The following SHISA9 variants were observed in gnomAD, a reference collection of about 807,000 sequenced individuals.
SHISA9 encodes the protein protein shisa-9.
A neutral mutation model predicts 38.0 loss-of-function variants in SHISA9; 13 were observed. The observed-to-expected ratio is 0.34, with a 90% CI of 0.22 to 0.54. SHISA9 has a LOEUF of 0.54. SHISA9 is among the 20% of genes least tolerant of loss of function. The pLI, the probability that SHISA9 is intolerant of heterozygous loss-of-function variation, is 0.91. For missense variants in SHISA9, 538 were observed against 575.8 expected (o/e 0.93, Z 0.67); for synonymous variants, 275 against 242.0 (o/e 1.14, Z -1.27).
At chr16:13,426,649 A>C in the SHISA9 span, among the ~76,000 whole-genome samples, 12 of 152,232 alleles carry the variant, frequency 7.9e-5, no homozygotes, top group African/African-American at 2.9e-4. Context: ...TTCAGACAGA[A>C]CAATACATTA....
the SHISA9 span, among the ~76,000 whole-genome samples, chr16:13,352,699 A>AGCGGGGGGGGG: frequency 3.0e-4 from 2 of 6,710 alleles, no homozygotes; most frequent in African/African-American, 6.9e-4. Context: ...AAGGGAGATA[A>AGCGGGGGGGGG]GGGGGGGGGG....
At chr16:12,908,917 T>C in intron 1 of SHISA9, 1 of 1,029,382 alleles carries the variant, frequency 9.7e-7, no homozygotes, top group Non-Finnish European at 1.2e-6. Flanking sequence ...AAATGGCAGA[T>C]AAGGGTCCTG....
chr16:13,026,095 G>A (rs781366051), intron 2 of SHISA9, among the ~76,000 whole-genome samples: 16 of 152,264 alleles, frequency 1.1e-4, no homozygotes, highest in Middle Eastern at 3.4e-3. Flanking sequence ...GTGAGCCACC[G>A]CGCCCACCTT....
intron 2 of SHISA9, among the ~76,000 whole-genome samples, chr16:12,976,424 G>A (rs2072162589): frequency 6.6e-6 from 1 of 152,024 alleles, no homozygotes; most frequent in Non-Finnish European, 1.5e-5. Context: ...GTGGCTCTTT[G>A]GATTTTCTTC....
At position 12,911,109 on chromosome 16, in the gene SHISA9, C is replaced by T. The variant is rs112567661; in HGVS notation, c.564-5579C>T. 1,591 of 270,418 alleles carry T rather than the reference C, an allele frequency of 5.9e-3. 22 individuals are homozygous for T. The highest frequency in any genetic ancestry group is 0.034 in the African/African-American group (1,500 of 43,630). 16.8% of individuals were successfully genotyped at this position (270,418 alleles called of 1,614,324 possible). A position where few individuals can be genotyped will look rare whatever the true frequency, so the allele number is the denominator to read the frequency against. ...ACACATGACACTAACCATCACAGTA[C>T]GCTTAGGGTCTTGTCACTCGGAGTG... On this transcript the variant is annotated intron_variant, in intron 1 of 4. Coordinates refer to ENST00000558583, the MANE Select transcript of SHISA9 (RefSeq NM_001145204.3).
chr16:13,199,906 C>T (rs1427093760), intron 2 of SHISA9, among the ~76,000 whole-genome samples: 1 of 152,212 alleles, frequency 6.6e-6, no homozygotes, highest in African/African-American at 2.4e-5. Flanking sequence ...ACTGCCAGCT[C>T]TTACATCCCT....
intron 2 of SHISA9, among the ~76,000 whole-genome samples, chr16:13,123,288 C>T (rs762025355): frequency 6.6e-6 from 1 of 152,220 alleles, no homozygotes; most frequent in Non-Finnish European, 1.5e-5. Flanking sequence ...CAGGAAGAGA[C>T]TTTGTTATTC....
the SHISA9 span, among the ~76,000 whole-genome samples, chr16:13,275,526 T>C: frequency 6.6e-5 from 10 of 152,264 alleles, no homozygotes; most frequent in East Asian, 1.9e-3. Context: ...TGTATGTTCA[T>C]GAGTACATTT....
chr16:12,910,647 C>G (rs2141713647), intron 1 of SHISA9: 1 of 985,308 alleles, frequency 1.0e-6, no homozygotes, highest in South Asian at 4.7e-5. Context: ...TTGTTTTAAA[C>G]AAACAATTTT....
chr16:13,015,831 CTCTCT>C (rs2040083777), intron 2 of SHISA9, among the ~76,000 whole-genome samples: 1 of 129,244 alleles, frequency 7.7e-6, no homozygotes, highest in African/African-American at 2.6e-5. Flanking sequence ...GTTTCTCTCT[CTCTCT>C]TTTCTTTCTT....
the SHISA9 span, among the ~76,000 whole-genome samples, chr16:13,329,273 G>GA: frequency 6.6e-6 from 1 of 152,114 alleles, no homozygotes; most frequent in Non-Finnish European, 1.5e-5. Flanking sequence ...TCTTGCAAGC[G>GA]AGAGAGCTGT....
the SHISA9 span, among the ~76,000 whole-genome samples, chr16:13,553,194 G>GTT: frequency 1.3e-5 from 2 of 152,154 alleles, no homozygotes; most frequent in Non-Finnish European, 2.9e-5. Flanking sequence ...TAGTTCACTT[G>GTT]CTCTTCCCAA....
the SHISA9 span, among the ~76,000 whole-genome samples, chr16:13,354,477 A>T: frequency 1.3e-5 from 2 of 151,378 alleles, no homozygotes; most frequent in Admixed American, 6.6e-5. Context: ...GAACAACGGT[A>T]ATTGTGGGAG....
At chr16:13,178,323 T>TG (rs1369209807) in intron 2 of SHISA9, among the ~76,000 whole-genome samples, 1 of 148,618 alleles carries the variant, frequency 6.7e-6, no homozygotes, top group African/African-American at 2.5e-5. Context: ...TCCCTCTCTC[T>TG]GGGTTTTTTT....
intron 2 of SHISA9, among the ~76,000 whole-genome samples, chr16:12,942,230 A>G (rs2071621187): frequency 1.3e-5 from 2 of 152,308 alleles, no homozygotes; most frequent in African/African-American, 2.4e-5. Flanking sequence ...ATTCTCTTGT[A>G]TTTCCCTCCT....
At chr16:13,414,646 C>T in the SHISA9 span, among the ~76,000 whole-genome samples, 26 of 136,646 alleles carry the variant, frequency 1.9e-4, no homozygotes, top group South Asian at 9.2e-4. Flanking sequence ...TTCTTTCTTT[C>T]TTTCTTTTTT....
intron 2 of SHISA9, among the ~76,000 whole-genome samples, chr16:12,968,014 A>C (rs2072002845): frequency 6.6e-6 from 1 of 151,824 alleles, no homozygotes; most frequent in African/African-American, 2.4e-5. Context: ...ACATGGTGAA[A>C]CCTCATCTCT....
chr16:13,264,482 C>G, the SHISA9 span, among the ~76,000 whole-genome samples: 2 of 152,052 alleles, frequency 1.3e-5, no homozygotes, highest in Admixed American at 1.3e-4. Context: ...TGTTTTAAAT[C>G]TTGAGAGTGG....
chr16:13,225,823 A>T (rs1005410502), intron 4 of SHISA9, among the ~76,000 whole-genome samples: 3 of 152,096 alleles, frequency 2.0e-5, no homozygotes, highest in African/African-American at 4.8e-5. Flanking sequence ...TAAGAGAGAG[A>T]CAGATGGAGG....
Sources: allele counts gnomAD v4.1 joint callset (sites outside exome capture counted in the v4.1 genomes callset), GRCh38; gene constraint gnomAD v4.1.1; transcripts MANE v1.5; gene names NCBI Gene and HGNC (gene_info 2026-07-23, HGNC 2026-07-21).